Variants in DNMT1 observed in about 807,000 individuals in gnomAD.
The protein encoded by DNMT1 is DNA (cytosine-5)-methyltransferase 1.
A neutral mutation model predicts 205.3 loss-of-function variants in DNMT1; 24 were observed. That is an observed-to-expected ratio of 0.12 (90% CI 0.08 to 0.16). DNMT1 has a LOEUF of 0.16. DNMT1 is among the 10% of genes least tolerant of loss of function. The pLI is 1.00. For synonymous variants in DNMT1, 817 were observed against 839.8 expected, an observed-to-expected ratio of 0.97 and a Z score of 0.47; for missense variants, 1,293 against 2,177.7, an observed-to-expected ratio of 0.59 and a Z score of 8.09.
intron 9 of DNMT1, among the ~76,000 whole-genome samples, chr19:10,170,769 GT>G (rs934191962): frequency 1.3e-5 from 2 of 151,364 alleles, no homozygotes; most frequent in African/African-American, 2.4e-5. Flanking sequence ...AGTCATCTTG[GT>G]TTTTTTTTGT....
rs1223496357 is a variant in DNMT1 at position 10,156,766 on chromosome 19, AACC to A, written c.1281-260_1281-258del. On this transcript the variant is annotated intron_variant, in intron 17 of 40. Coordinates refer to ENST00000359526, the MANE Select transcript of DNMT1 (RefSeq NM_001130823.3). This position sits in a 1 kb window ranked among gnomAD's most constrained non-coding sequence, Gnocchi z 4.2. ...CCGAGTAGCTGGGATTACAGGCCTG[AACC>A]ACCATGCCCGGCTAATTGTTGTATT... is the stretch of plus-strand genomic sequence containing the variant. 6.6e-6 allele frequency among the ~76,000 whole-genome samples: 1 copy of A among 151,958 alleles called. No individual in the cohort carries two copies. The highest frequency in any genetic ancestry group is 1.5e-5 in the Non-Finnish European group (1 of 67,976).
In DNMT1 at chr19:10,159,284, C is replaced by T. The variant is rs149427469; in HGVS notation, c.1280+374G>A. Among the ~76,000 whole-genome samples the T allele has an allele frequency of 4.1e-3, 632 of 152,326 alleles. 7 individuals are homozygous for T. Among genetic ancestry groups the T allele is most frequent in the African/African-American group, 0.014 (598 of 41,552 alleles). Reference sequence around the variant, plus strand: ...AGGCTGGAATGCAGTGGCACCACCTCGGCTCACTGCAGCCTCCGCCTCCAG... The same window carrying T: ...AGGCTGGAATGCAGTGGCACCACCTTGGCTCACTGCAGCCTCCGCCTCCAG... On this transcript the variant is annotated intron_variant, in intron 17 of 40. Transcript: ENST00000359526. This position sits in a 1 kb window ranked among gnomAD's most constrained non-coding sequence, Gnocchi z 5.0.
In DNMT1 at chr19:10,154,729, C is replaced by T. The variant is rs150385511; in HGVS notation, c.1689G>A (p.Glu563=). 1.9e-6 allele frequency: 3 copies of T among 1,614,100 alleles called. No individual in the cohort carries two copies. In the African/African-American group the frequency reaches 4.0e-5, roughly 22 times the overall value. ...PSGLNLNRFT[E]DSLLRHAQFV... is the part of the protein sequence containing the mutation. ...ACTGCGCGTGTCGCAGGAGGGAGTC[C>T]TCTGTGAAGCGGTTCAAGTTGAGGC... The change falls in exon 21 of 41, where the codon GAG becomes GAA. Residue 563 remains glutamate, a synonymous_variant. Coordinates refer to ENST00000359526, the MANE Select transcript of DNMT1 (RefSeq NM_001130823.3). This position sits in a 1 kb window ranked among gnomAD's most constrained non-coding sequence, Gnocchi z 6.3.
chr19:10,166,536 C>T (rs1599379989), intron 11 of DNMT1, 62 bp downstream of exon 11: 28 of 1,605,490 alleles, frequency 1.7e-5, no homozygotes, highest in East Asian at 2.2e-5. Context: ...TGCGCACTCC[C>T]GCCCAAGCAA....
chr19:10,154,769 G>A lies in DNMT1; in HGVS notation c.1649C>T (p.Thr550Met), dbSNP rs763014417. The A allele has an allele frequency of 6.8e-6, 11 of 1,614,240 alleles. No individual in the cohort carries two copies. The highest frequency in any genetic ancestry group is 2.2e-5 in the East Asian group (1 of 44,882). Residue 550 changes from threonine (T) to methionine (M), a missense_variant, in exon 21 of 41, where the codon ACG becomes ATG. Physicochemically the swap from Thr to Met is moderately conservative, Grantham distance 81 (BLOSUM62 -1). Around this residue, in one of 13 missense-constraint regions of DNMT1, gnomAD observed 120 missense variants for 315.9 expected, o/e 0.38. Coordinates refer to ENST00000359526, the MANE Select transcript of DNMT1 (RefSeq NM_001130823.3). This position sits in a 1 kb window ranked among gnomAD's most constrained non-coding sequence, Gnocchi z 6.3. The part of the protein sequence containing the change: ...YEDLINKIET[T>M]VPPSGLNLNR... ...CAAGTTGAGGCCAGAAGGAGGAACC[G>A]TGGTCTTGAAAGAGAACAGGTTTCT...
chr19:10,135,212 C>CAAAAA (rs34374135), intron 39 of DNMT1, among the ~76,000 whole-genome samples: 1 of 108,502 alleles, frequency 9.2e-6, no homozygotes. Context: ...AGCTCCATCT[C>CAAAAA]AAAAAAAAAA....
chr19:10,154,757 G>T lies in DNMT1; in HGVS notation c.1661C>A (p.Ser554Tyr), dbSNP rs1359908894. The T allele has an allele frequency of 6.2e-7, 1 of 1,614,250 alleles. No homozygotes were observed. The highest frequency in any genetic ancestry group is 8.5e-7 in the Non-Finnish European group (1 of 1,180,048). ...INKIETTVPPSGLNLNRFTED... is the reference protein window; with the variant it reads ...INKIETTVPPYGLNLNRFTED... ...TGTGAAGCGGTTCAAGTTGAGGCCAGAAGGAGGAACCGTGGTCTTGAAAGA... is the reference window on the plus strand; with the variant it reads ...TGTGAAGCGGTTCAAGTTGAGGCCATAAGGAGGAACCGTGGTCTTGAAAGA... Residue 554 changes from serine to tyrosine, a missense_variant, in exon 21 of 41, where the codon TCT (serine) becomes TAT (tyrosine). By Grantham distance (144) the Ser-to-Tyr change is moderately radical. This residue lies in a region of DNMT1 where 120 missense variants were observed against 315.9 expected (regional missense o/e 0.38). Transcript: ENST00000359526. This position sits in a 1 kb window ranked among gnomAD's most constrained non-coding sequence, Gnocchi z 6.3.
In DNMT1 at chr19:10,156,301, A is replaced by C. The variant is rs2038456061; in HGVS notation, c.1399+90T>G. On this transcript the variant is annotated intron_variant, in intron 18 of 40. Transcript: ENST00000359526. This position sits in a 1 kb window ranked among gnomAD's most constrained non-coding sequence, Gnocchi z 4.2. ...GGCTCAAGTGATCCTCTGGCCTCAGACCCCCAAAGTGCTAGGATTACAGAT... is the reference window on the plus strand; with the variant it reads ...GGCTCAAGTGATCCTCTGGCCTCAGCCCCCCAAAGTGCTAGGATTACAGAT... The C allele has an allele frequency of 1.9e-6, 2 of 1,042,078 alleles. No individual in the cohort carries two copies. The highest frequency in any genetic ancestry group is 3.0e-6 in the Non-Finnish European group (2 of 669,542). The allele number at this position is 1,042,078 out of a possible 1,614,324, so 64.6% of individuals were successfully genotyped here. A position where few individuals can be genotyped will look rare whatever the true frequency, so the allele number is the denominator to read the frequency against.
At chr19:10,164,743 C>T (rs1038362360) in intron 11 of DNMT1, among the ~76,000 whole-genome samples, 2 of 151,604 alleles carry the variant, frequency 1.3e-5, no homozygotes, top group Non-Finnish European at 2.9e-5. Context: ...GCCTGGCCAA[C>T]ATGGTGAATC....
At chr19:10,185,014 C>T (rs1006211959) in intron 1 of DNMT1, among the ~76,000 whole-genome samples, 2 of 152,212 alleles carry the variant, frequency 1.3e-5, no homozygotes, top group African/African-American at 2.4e-5. Context: ...TCCCCACCAG[C>T]GCCGCTCACA....
At position 10,133,653 on chromosome 19, in the gene DNMT1, A is replaced by G; in HGVS notation, c.*14T>C. The G allele has an allele frequency of 6.3e-7, 1 of 1,597,804 alleles. No homozygotes were observed. Among genetic ancestry groups the G allele is most frequent in the South Asian group, 1.1e-5 (1 of 88,242 alleles). ...ATTCCTGGTGCCAGAAACAGGGGTG[A>G]CGGGAGGGCAGAACTAGTCCTTAGC... is the stretch of plus-strand genomic sequence containing the variant. On this transcript the variant is annotated 3_prime_UTR_variant, in exon 41 of 41. Coordinates refer to ENST00000359526, the MANE Select transcript of DNMT1 (RefSeq NM_001130823.3). This position sits in a 1 kb window ranked among gnomAD's most constrained non-coding sequence, Gnocchi z 4.1.
At chr19:10,179,274 C>T (rs568324761) in intron 5 of DNMT1, among the ~76,000 whole-genome samples, 83 of 151,882 alleles carry the variant, frequency 5.5e-4, no homozygotes, top group Non-Finnish European at 8.8e-4. Flanking sequence ...CTGTCACACT[C>T]ATAGCCATGT....
rs1460029697 is a variant in DNMT1 at position 10,146,512 on chromosome 19, G to C, written c.2733C>G (p.Ser911Arg). The change falls in exon 28 of 41, where the codon AGC becomes AGG. Residue 911 changes from serine (S) to arginine (R), a missense_variant. Coordinates refer to ENST00000359526, the MANE Select transcript of DNMT1 (RefSeq NM_001130823.3). The surrounding 1 kb of genome is among the most constrained non-coding windows in gnomAD (Gnocchi z 4.4). ...GCCTCATCTCAGCCAGACGGGCACAGCTCACACAGAATCTGAAGGAAACAA... is the reference window on the plus strand; with the variant it reads ...GCCTCATCTCAGCCAGACGGGCACACCTCACACAGAATCTGAAGGAAACAA... ...TEDNKFKFCV[S>R]CARLAEMRQK... 1 of 1,614,092 alleles carries C rather than the reference G, an allele frequency of 6.2e-7. No individual in the cohort carries two copies. The highest frequency in any genetic ancestry group is 2.2e-5 in the East Asian group (1 of 44,882).
At position 10,168,355 on chromosome 19, in the gene DNMT1, T is replaced by C. The variant is rs2038736404; in HGVS notation, c.778A>G (p.Arg260Gly). The C allele has an allele frequency of 6.2e-7, 1 of 1,614,058 alleles. No homozygotes were observed. Among genetic ancestry groups the C allele is most frequent in the African/African-American group, 1.3e-5 (1 of 74,942 alleles). The change falls in exon 10 of 41, where the codon AGA becomes GGA. Residue 260 changes from arginine to glycine, a missense_variant. Arg to Gly is a moderately radical substitution (Grantham distance 125). This residue lies in a region of DNMT1 where 394 missense variants were observed against 451.6 expected (regional missense o/e 0.87). Coordinates refer to ENST00000359526, the MANE Select transcript of DNMT1 (RefSeq NM_001130823.3). ...EEERDEKEEK[R>G]LRSQTKEPTP... Reference sequence around the variant, plus strand: ...GGTTCTTTGGTTTGACTTCGGAGTCTCTTTTCTTCCTAAGTTGCAGGGAAA... The same window carrying C: ...GGTTCTTTGGTTTGACTTCGGAGTCCCTTTTCTTCCTAAGTTGCAGGGAAA...
intron 1 of DNMT1, among the ~76,000 whole-genome samples, chr19:10,182,395 G>A (rs1026771039): frequency 3.7e-5 from 3 of 81,500 alleles, no homozygotes; most frequent in Admixed American, 1.3e-4. Flanking sequence ...ATATATATGT[G>A]TATATATATA....
intron 29 of DNMT1, 45 bp downstream of exon 29, chr19:10,143,721 T>C (rs965733096): frequency 4.4e-6 from 7 of 1,607,420 alleles, no homozygotes; most frequent in Middle Eastern, 1.7e-4. Flanking sequence ...CAGAGCCTTC[T>C]AGAAGAGTCT....
chr19:10,162,888 T>C (rs571568580), intron 12 of DNMT1, 140 bp from the exon 13 acceptor site: 200 of 900,172 alleles, frequency 2.2e-4, no homozygotes, highest in Admixed American at 1.2e-3. Flanking sequence ...CACTGCCAGC[T>C]TGTCATCCCG....
chr19:10,150,952 T>C (rs1336448554), intron 24 of DNMT1, among the ~76,000 whole-genome samples: 1 of 152,072 alleles, frequency 6.6e-6, no homozygotes, highest in Non-Finnish European at 1.5e-5. Context: ...AAAGTTAGCC[T>C]GGCATGGTGG....
intron 1 of DNMT1, among the ~76,000 whole-genome samples, chr19:10,192,214 G>GGT (rs2039317124): frequency 1.3e-5 from 2 of 151,612 alleles, no homozygotes; most frequent in South Asian, 4.2e-4. Flanking sequence ...TGAGCTCAGG[G>GGT]GTTCAAGGCT....
Sources: allele counts gnomAD v4.1 joint callset (sites outside exome capture counted in the v4.1 genomes callset), GRCh38; gene constraint gnomAD v4.1.1; regional missense constraint gnomAD v4.1.1; non-coding constraint Gnocchi (gnomAD v3.1); transcripts MANE v1.5; gene names NCBI Gene and HGNC (gene_info 2026-07-23, HGNC 2026-07-21).